GLIS3: variants seen among roughly 807,000 people sequenced by gnomAD.
GLIS3 encodes zinc finger protein GLIS3.
In GLIS3, 53 loss-of-function variants were observed where a neutral mutation model predicts 78.6. That is an observed-to-expected ratio of 0.67 (90% confidence interval 0.54 to 0.85). GLIS3 has a LOEUF of 0.85. Among genes scored for constraint, GLIS3 ranks in the 40% least tolerant of loss-of-function variants. The probability of loss-of-function intolerance (pLI) is 0.00; values close to 1 mark genes in which losing one functional copy is unlikely to be tolerated. For synonymous variants in GLIS3, 684 were observed against 509.9 expected (o/e 1.34, Z -4.60); for missense variants, 1,703 against 1,231.1 (o/e 1.38, Z -5.74).
At chr9:4,446,549 A>C in the GLIS3 span, among the ~76,000 whole-genome samples, 2 of 128,536 alleles carry the variant, frequency 1.6e-5, no homozygotes, top group African/African-American at 3.0e-5. Flanking sequence ...TTGCTCTCTC[A>C]CCCAGGCTTG....
chr9:4,234,250 C>T (rs946386819), intron 2 of GLIS3, among the ~76,000 whole-genome samples: 8 of 152,210 alleles, frequency 5.3e-5, no homozygotes, highest in African/African-American at 1.9e-4. Context: ...TGGTTTTAGA[C>T]ATGCCTTCCT....
intron 3 of GLIS3, among the ~76,000 whole-genome samples, chr9:4,121,752 T>C (rs897761183): frequency 1.3e-5 from 2 of 152,134 alleles, no homozygotes; most frequent in African/African-American, 4.8e-5. Context: ...TTTCTTTACA[T>C]TGTATCCCAC....
intron 2 of GLIS3, among the ~76,000 whole-genome samples, chr9:4,241,724 C>G (rs1249264834): frequency 6.6e-6 from 1 of 151,978 alleles, no homozygotes; most frequent in Non-Finnish European, 1.5e-5. Flanking sequence ...TCTGGAATGT[C>G]CAGGCTGGAA....
At chr9:4,032,956 C>G (rs1333717994) in intron 4 of GLIS3, among the ~76,000 whole-genome samples, 1 of 152,158 alleles carries the variant, frequency 6.6e-6, no homozygotes, top group Non-Finnish European at 1.5e-5. Context: ...CGGGTTCACA[C>G]CATTCTGCTG....
the GLIS3 span, among the ~76,000 whole-genome samples, chr9:4,479,842 C>G: frequency 2.6e-5 from 4 of 151,628 alleles, no homozygotes; most frequent in African/African-American, 9.7e-5. Flanking sequence ...GGACCACCAT[C>G]GCTTCTCCTG....
rs138155714 is a variant in GLIS3, at chr9:4,159,259, A to G, written c.389-33318T>C. On this transcript the variant is annotated intron_variant, in intron 2 of 10. Coordinates refer to ENST00000381971, the MANE Select transcript of GLIS3 (RefSeq NM_001042413.2). ...AATCAGATGAACCATCTCCAGGGTC[A>G]TATGTGAAACACTGGAGAGTTTTCT... is the stretch of plus-strand genomic sequence containing the variant. 1.2e-3 allele frequency among the ~76,000 whole-genome samples: 184 copies of G among 152,332 alleles called. 1 individual carries two copies. The highest frequency in any genetic ancestry group is 4.3e-3 in the African/African-American group (178 of 41,566).
chr9:4,406,172 G>T, the GLIS3 span, among the ~76,000 whole-genome samples: 1 of 152,032 alleles, frequency 6.6e-6, no homozygotes, highest in African/African-American at 2.4e-5. Context: ...AGACAACAAA[G>T]ATGCCCACTT....
the GLIS3 span, among the ~76,000 whole-genome samples, chr9:4,437,649 T>C: frequency 6.6e-6 from 1 of 152,060 alleles, no homozygotes; most frequent in Non-Finnish European, 1.5e-5. Context: ...ATACGCAGAT[T>C]TTTTTCAATA....
chr9:4,386,595 T>C, the GLIS3 span: 1 of 152,180 alleles, frequency 6.6e-6, no homozygotes, highest in Non-Finnish European at 1.5e-5. Flanking sequence ...AAGTACTCCA[T>C]GGTGTGGGAG....
intron 2 of GLIS3, among the ~76,000 whole-genome samples, chr9:4,280,295 C>G (rs1259772620): frequency 1.3e-5 from 2 of 152,184 alleles, no homozygotes; most frequent in African/African-American, 4.8e-5. Flanking sequence ...AGTGCTGGGA[C>G]TACAGGTGTG....
intron 2 of GLIS3, among the ~76,000 whole-genome samples, chr9:4,143,114 T>A (rs1225676307): frequency 6.6e-6 from 1 of 152,034 alleles, no homozygotes; most frequent in Non-Finnish European, 1.5e-5. Flanking sequence ...AAGCAGAAAC[T>A]GTGTAAATGT....
intron 4 of GLIS3, among the ~76,000 whole-genome samples, chr9:4,096,913 G>A (rs1829998456): frequency 6.6e-6 from 1 of 152,178 alleles, no homozygotes; most frequent in African/African-American, 2.4e-5. Flanking sequence ...TCGGGAGGCT[G>A]AGGCAGGAGA....
chr9:3,909,882 T>A (rs972324310), intron 6 of GLIS3, among the ~76,000 whole-genome samples: 2 of 152,194 alleles, frequency 1.3e-5, no homozygotes, highest in African/African-American at 4.8e-5. Flanking sequence ...CATGTGTGAC[T>A]AATGAGCATT....
chr9:4,395,712 G>C, the GLIS3 span, among the ~76,000 whole-genome samples: 1 of 151,726 alleles, frequency 6.6e-6, no homozygotes, highest in Admixed American at 6.6e-5. Context: ...CTGATGTCAA[G>C]CTTTTGTTAT....
chr9:3,967,755 G>A (rs546675114), intron 4 of GLIS3, among the ~76,000 whole-genome samples: 2 of 152,218 alleles, frequency 1.3e-5, no homozygotes, highest in African/African-American at 4.8e-5. Context: ...GAGAAAGATG[G>A]ATAATATGAT....
rs982708882 is a variant in GLIS3 at position 4,174,550 on chromosome 9, G to T, written c.389-48609C>A. ...AGAGGATTTGGATTATGCAAAAAAT[G>T]ATTCCTATATATATAATCAATTATC... On this transcript the variant is annotated intron_variant, in intron 2 of 10. Transcript: ENST00000381971. Among the ~76,000 whole-genome samples, 5 of 152,282 alleles carry T rather than the reference G, an allele frequency of 3.3e-5. No homozygotes were observed. The East Asian group carries it at 5.8e-4, about 18-fold the overall frequency.
chr9:4,047,148 T>C (rs1018777739), intron 4 of GLIS3, among the ~76,000 whole-genome samples: 1 of 152,148 alleles, frequency 6.6e-6, no homozygotes, highest in Admixed American at 6.5e-5. Flanking sequence ...GTTCTTGTGT[T>C]AGTGAGTGAG....
At chr9:4,102,714 A>G (rs1210316724) in intron 4 of GLIS3, among the ~76,000 whole-genome samples, 8 of 152,210 alleles carry the variant, frequency 5.3e-5, no homozygotes, top group African/African-American at 1.2e-4. Flanking sequence ...AAATATTATA[A>G]TAAATAAATC....
At chr9:3,850,992 A>G (rs1379343761) in intron 9 of GLIS3, among the ~76,000 whole-genome samples, 1 of 152,178 alleles carries the variant, frequency 6.6e-6, no homozygotes, top group African/African-American at 2.4e-5. Context: ...CTCTTATTGC[A>G]TATGTCACAG....
Sources: allele counts gnomAD v4.1 joint callset (sites outside exome capture counted in the v4.1 genomes callset), GRCh38; gene constraint gnomAD v4.1.1; transcripts MANE v1.5; gene names NCBI Gene and HGNC (gene_info 2026-07-23, HGNC 2026-07-21).